The following DLG2 variants were observed in gnomAD, a reference collection of about 807,000 sequenced individuals.
DLG2 encodes the protein discs large MAGUK scaffold protein 2.
A neutral mutation model predicts 132.5 loss-of-function variants in DLG2; 45 were observed. The observed-to-expected ratio is 0.34, with a 90% CI of 0.27 to 0.44. The LOEUF is 0.44. Ranked by LOEUF, DLG2 falls within the 20% of genes least tolerant of loss-of-function variation. DLG2 has a pLI of 1.00. For synonymous variants in DLG2, 424 were observed against 419.6 expected (o/e 1.01, Z -0.13); for missense variants, 1,045 against 1,196.9 (o/e 0.87, Z 1.87).
At chr11:85,428,698 T>G (rs1395232649) in intron 3 of DLG2, among the ~76,000 whole-genome samples, 10 of 152,102 alleles carry the variant, frequency 6.6e-5, no homozygotes, top group Non-Finnish European at 1.2e-4. Flanking sequence ...ATTGACACCC[T>G]AACATCATAA....
intron 3 of DLG2, among the ~76,000 whole-genome samples, chr11:85,424,292 T>C (rs951305411): frequency 2.0e-5 from 3 of 152,098 alleles, no homozygotes; most frequent in African/African-American, 7.2e-5. Flanking sequence ...GGAGCAATCT[T>C]CTTTTTTCGG....
At chr11:85,223,129 C>T (rs940967946) in intron 4 of DLG2, among the ~76,000 whole-genome samples, 7 of 152,084 alleles carry the variant, frequency 4.6e-5, no homozygotes, top group Admixed American at 1.3e-4. Context: ...AATAACAAAT[C>T]GGAATTTATT....
At chr11:84,561,946 G>A (rs1208646152) in intron 6 of DLG2, among the ~76,000 whole-genome samples, 4 of 151,842 alleles carry the variant, frequency 2.6e-5, no homozygotes, top group Admixed American at 2.6e-4. Flanking sequence ...ATTTAGCCTT[G>A]CACTGCTTTC....
chr11:83,993,945 C>T (rs1393177565), intron 11 of DLG2, among the ~76,000 whole-genome samples: 1 of 152,104 alleles, frequency 6.6e-6, no homozygotes, highest in Non-Finnish European at 1.5e-5. Flanking sequence ...CTGGAGAAAG[C>T]AAGCTGAAAT....
At chr11:84,273,299 T>A (rs1326391878) in intron 7 of DLG2, 2 of 1,288,628 alleles carry the variant, frequency 1.6e-6, no homozygotes, top group African/African-American at 1.8e-5. Flanking sequence ...AGAACCCAGT[T>A]GAAGAGGAAA....
chr11:84,312,338 G>T (rs1294278217), intron 7 of DLG2, among the ~76,000 whole-genome samples: 1 of 152,106 alleles, frequency 6.6e-6, no homozygotes, highest in African/African-American at 2.4e-5. Context: ...AAGTAGCCAG[G>T]CCTGGTGGCG....
chr11:84,577,510 G>A (rs2099504310), intron 6 of DLG2, among the ~76,000 whole-genome samples: 1 of 152,176 alleles, frequency 6.6e-6, no homozygotes, highest in Non-Finnish European at 1.5e-5. Flanking sequence ...AAAGGTAACT[G>A]TTGCTATGTT....
At chr11:84,269,315 T>A (rs1040750893) in intron 7 of DLG2, among the ~76,000 whole-genome samples, 1 of 152,248 alleles carries the variant, frequency 6.6e-6, no homozygotes, top group Non-Finnish European at 1.5e-5. Flanking sequence ...TAAGCATTCA[T>A]TGAATAGACG....
rs943793643 is a variant in DLG2 at position 84,357,800 on chromosome 11, A to G, written c.520-106509T>C. ...AAGAAAAATATTTATTTTCCAAGGC[A>G]AATAAAAACAAATTATTTTTAAATC... On this transcript the variant is annotated intron_variant, in intron 7 of 27. Coordinates refer to ENST00000376104, the MANE Select transcript of DLG2 (RefSeq NM_001142699.3). 3.9e-4 allele frequency among the ~76,000 whole-genome samples: 60 copies of G among 152,024 alleles called. 1 individual carries two copies. The highest frequency in any genetic ancestry group is 1.3e-3 in the African/African-American group (54 of 41,424).
chr11:85,625,823 C>T (rs2082000783), intron 2 of DLG2, among the ~76,000 whole-genome samples: 1 of 152,116 alleles, frequency 6.6e-6, no homozygotes, highest in African/African-American at 2.4e-5. Context: ...CAAAACAAAA[C>T]AAAAACAGTC....
chr11:85,507,033 C>A (rs1021602983), intron 3 of DLG2, among the ~76,000 whole-genome samples: 2 of 151,998 alleles, frequency 1.3e-5, no homozygotes, highest in Admixed American at 1.3e-4. Context: ...GGGATTGTAA[C>A]CCCTGCATTT....
chr11:85,374,726 C>T (rs2085267811), intron 3 of DLG2, among the ~76,000 whole-genome samples: 1 of 152,106 alleles, frequency 6.6e-6, no homozygotes, highest in Admixed American at 6.6e-5. Flanking sequence ...ACTCAAGTAC[C>T]TCACCCTAAC....
chr11:83,641,821 A>G (rs1190778023), intron 18 of DLG2, among the ~76,000 whole-genome samples: 1 of 151,548 alleles, frequency 6.6e-6, no homozygotes, highest in Non-Finnish European at 1.5e-5. Flanking sequence ...TCCATTGCTA[A>G]AGACTTACAG....
chr11:85,151,628 C>T (rs1364382446), intron 5 of DLG2, among the ~76,000 whole-genome samples: 1 of 152,146 alleles, frequency 6.6e-6, no homozygotes, highest in Non-Finnish European at 1.5e-5. Context: ...TTCCCACCAC[C>T]ATTTGTTAAA....
chr11:83,550,304 C>A (rs1189495123), intron 19 of DLG2, among the ~76,000 whole-genome samples: 2 of 152,154 alleles, frequency 1.3e-5, no homozygotes, highest in Non-Finnish European at 1.5e-5. Flanking sequence ...GGGGGAACAA[C>A]TTTCTCTTTC....
intron 6 of DLG2, among the ~76,000 whole-genome samples, chr11:84,607,350 C>A (rs2099587640): frequency 6.6e-6 from 1 of 152,132 alleles, no homozygotes; most frequent in Non-Finnish European, 1.5e-5. Context: ...TTCTTCTACC[C>A]TGTAAAGTTG....
chr11:84,706,704 G>A (rs2059816158), intron 6 of DLG2, among the ~76,000 whole-genome samples: 1 of 141,846 alleles, frequency 7.0e-6, no homozygotes, highest in African/African-American at 2.5e-5. Context: ...CAGGAGGAAA[G>A]AAGAAAGGAA....
chr11:84,796,839 T>TTTTATTTATTTATTTA (rs564095288), intron 6 of DLG2, among the ~76,000 whole-genome samples: 2,017 of 149,826 alleles, frequency 0.013, 55 homozygotes, highest in African/African-American at 0.045. Context: ...TTTTATTATA[T>TTTTATTTATTTATTTA]TTTATTTATT....
chr11:83,650,250 A>G (rs942382232), intron 18 of DLG2, among the ~76,000 whole-genome samples: 13 of 152,202 alleles, frequency 8.5e-5, no homozygotes, highest in African/African-American at 3.1e-4. Flanking sequence ...GGGTTTTGAG[A>G]TGGGGAGATT....
Sources: gnomAD v4.1 joint callset for allele counts (sites outside exome capture counted in the v4.1 genomes callset) on GRCh38, gnomAD v4.1.1 for gene constraint, MANE v1.5 for transcripts, NCBI Gene and HGNC (gene_info 2026-07-23, HGNC 2026-07-21) for gene names.